Variants in KIF13A observed in about 807,000 individuals in gnomAD.
The protein encoded by KIF13A is kinesin family member 13A.
Under a neutral mutation model 212.2 loss-of-function variants are expected in KIF13A, and 79 were observed. The ratio of observed to expected loss-of-function variants is 0.37; its 90% CI spans 0.31 to 0.45. The LOEUF (loss-of-function observed/expected upper bound fraction) is 0.45, where lower values mean the gene tolerates loss of function less well. Ranked by LOEUF, KIF13A falls within the 20% of genes least tolerant of loss-of-function variation. The pLI is 1.00. For missense variants in KIF13A, 1,901 were observed against 2,209.0 expected (o/e 0.86, Z 2.79); for synonymous variants, 789 against 808.6 (o/e 0.98, Z 0.41).
Position 17,828,435 on chromosome 6 carries a change from C to T in KIF13A, c.1402-65G>A. 2.1e-6 allele frequency: 3 copies of T among 1,435,120 alleles called. No individual in the cohort carries two copies. The highest frequency in any genetic ancestry group is 2.5e-5 in the South Asian group (2 of 79,706). 88.9% of individuals were successfully genotyped at this position (1,435,120 alleles called of 1,614,324 possible). On this transcript the variant is annotated intron_variant, in intron 13 of 38. Coordinates refer to ENST00000259711, the MANE Select transcript of KIF13A (RefSeq NM_022113.6). The surrounding 1 kb of genome is among the most constrained non-coding windows in gnomAD (Gnocchi z 4.3). ...TGAGTAACTCAGCAAAAATGTATCACAATCAATTTGAATAACGCAGCAGCA... is the reference window on the plus strand; with the variant it reads ...TGAGTAACTCAGCAAAAATGTATCATAATCAATTTGAATAACGCAGCAGCA...
At chr6:17,970,230 T>G (rs1367552178) in intron 2 of KIF13A, among the ~76,000 whole-genome samples, 1 of 152,208 alleles carries the variant, frequency 6.6e-6, no homozygotes, top group Non-Finnish European at 1.5e-5. Flanking sequence ...CCGTGTTTTC[T>G]TAAATAAGGG....
rs1231691101 is a variant in KIF13A, at chr6:17,783,625, T to C, written c.3544+21A>G. On this transcript the variant is annotated intron_variant, in intron 29 of 38. Transcript: ENST00000259711. The surrounding 1 kb of genome is among the most constrained non-coding windows in gnomAD (Gnocchi z 4.3). ...CCTTAGTTAAATACAATAATCCCTG[T>C]GACTTTAAGTGTCTACTTACCATTC... The C allele has an allele frequency of 1.3e-6, 2 of 1,487,072 alleles. No individual in the cohort carries two copies. The highest frequency in any genetic ancestry group is 3.8e-5 in the Admixed American group (2 of 53,260). 92.1% of individuals were successfully genotyped at this position (1,487,072 alleles called of 1,614,324 possible). A position where few individuals can be genotyped will look rare whatever the true frequency, so the allele number is the denominator to read the frequency against.
chr6:17,966,142 G>A (rs553339269), intron 2 of KIF13A, among the ~76,000 whole-genome samples: 16 of 152,248 alleles, frequency 1.1e-4, no homozygotes, highest in South Asian at 8.3e-4. Context: ...TGCAGTGAGC[G>A]AAGATTGTGT....
intron 2 of KIF13A, among the ~76,000 whole-genome samples, chr6:17,975,312 T>C (rs950857530): frequency 1.3e-5 from 2 of 151,844 alleles, no homozygotes; most frequent in Non-Finnish European, 2.9e-5. Flanking sequence ...GAGACTGTGT[T>C]CCGAATTAGT....
intron 3 of KIF13A, among the ~76,000 whole-genome samples, chr6:17,889,059 T>C (rs1463945560): frequency 1.3e-5 from 2 of 152,098 alleles, no homozygotes; most frequent in African/African-American, 4.8e-5. Flanking sequence ...CTCACCTCAT[T>C]GAGGCCAAAT....
At chr6:17,943,678 C>G (rs1487736740) in intron 2 of KIF13A, among the ~76,000 whole-genome samples, 1 of 152,162 alleles carries the variant, frequency 6.6e-6, no homozygotes, top group Non-Finnish European at 1.5e-5. Flanking sequence ...CTGTCTTCCA[C>G]AGAAAGCACA....
At chr6:17,909,407 G>A (rs779091818) in intron 2 of KIF13A, among the ~76,000 whole-genome samples, 3 of 151,892 alleles carry the variant, frequency 2.0e-5, no homozygotes, top group Non-Finnish European at 2.9e-5. Context: ...GTGGTGGCGC[G>A]TGCCTGTAGA....
In KIF13A at chr6:17,924,823, C is replaced by A. The variant is rs1413349249; in HGVS notation, c.147-26643G>T. The stretch of plus-strand genomic sequence containing the variant: ...GAGATAATTATTTTTACATTCCATG[C>A]ACAATATTTTCTTTTATTAGTGATC... On this transcript the variant is annotated intron_variant, in intron 2 of 38. Transcript: ENST00000259711. 2.0e-5 allele frequency among the ~76,000 whole-genome samples: 3 copies of A among 152,142 alleles called. No individual in the cohort carries two copies. The East Asian group carries it at 5.8e-4, about 29-fold the overall frequency.
At chr6:17,907,815 C>T (rs1210852236) in intron 2 of KIF13A, among the ~76,000 whole-genome samples, 3 of 152,152 alleles carry the variant, frequency 2.0e-5, no homozygotes, top group Non-Finnish European at 4.4e-5. Flanking sequence ...TAGACAAGAA[C>T]CAAAATGCAG....
chr6:17,880,433 C>A (rs548272257), intron 3 of KIF13A, among the ~76,000 whole-genome samples: 69 of 152,002 alleles, frequency 4.5e-4, no homozygotes, highest in Non-Finnish European at 8.1e-4. Context: ...TCAAGAGCAG[C>A]CTGACCAACA....
intron 13 of KIF13A, among the ~76,000 whole-genome samples, chr6:17,830,578 T>G (rs1472746433): frequency 6.6e-6 from 1 of 152,192 alleles, no homozygotes; most frequent in Non-Finnish European, 1.5e-5. Flanking sequence ...ATCCCACCTC[T>G]ACACCTGAAG....
Position 17,785,612 on chromosome 6 carries a change from C to A in KIF13A, c.3391G>T (p.Ala1131Ser). 1 of 1,606,210 alleles carries A rather than the reference C, an allele frequency of 6.2e-7. No individual in the cohort carries two copies. Among genetic ancestry groups the A allele is most frequent in the South Asian group, 1.1e-5 (1 of 89,044 alleles). ...EKTEDDVERE[A>S]QLVEQWVGLT... Reference sequence around the variant, plus strand: ...CCTACCCACTGCTCCACAAGCTGGGCTTCCCGCTCCACATCGTCCTCTGTT... The same window carrying A: ...CCTACCCACTGCTCCACAAGCTGGGATTCCCGCTCCACATCGTCCTCTGTT... The change falls in exon 28 of 39, where the codon GCC (alanine) becomes TCC (serine). Residue 1131 changes from alanine (A) to serine (S), a missense_variant. Coordinates refer to ENST00000259711, the MANE Select transcript of KIF13A (RefSeq NM_022113.6). This position sits in a 1 kb window ranked among gnomAD's most constrained non-coding sequence, Gnocchi z 5.8.
intron 2 of KIF13A, among the ~76,000 whole-genome samples, chr6:17,945,270 T>TA (rs2150561551): frequency 6.6e-6 from 1 of 152,180 alleles, no homozygotes; most frequent in Admixed American, 6.5e-5. Flanking sequence ...GAAGAGCACA[T>TA]ACTGTATGAT....
chr6:17,810,446 C>T (rs1175751386), intron 17 of KIF13A, among the ~76,000 whole-genome samples: 9 of 152,192 alleles, frequency 5.9e-5, no homozygotes, highest in Admixed American at 5.9e-4. Flanking sequence ...CCCTACTCTT[C>T]CATAAATCAC....
chr6:17,982,236 T>C lies in KIF13A; in HGVS notation c.146+4818A>G, dbSNP rs994830639. 4 of 155,092 alleles carry C rather than the reference T, an allele frequency of 2.6e-5. No individual in the cohort carries two copies. The highest frequency in any genetic ancestry group is 2.8e-5 in the Non-Finnish European group (2 of 70,670). 9.6% of individuals were successfully genotyped at this position (155,092 alleles called of 1,614,324 possible). On this transcript the variant is annotated intron_variant, in intron 2 of 38. Transcript: ENST00000259711. The surrounding 1 kb of genome is among the most constrained non-coding windows in gnomAD (Gnocchi z 5.1). ...TCTGCCTCCTAAGTAGCTGGGATTA[T>C]AGGTGTGCACCACCACACTCGGCTA...
chr6:17,981,122 C>T (rs1211825551), intron 2 of KIF13A, among the ~76,000 whole-genome samples: 1 of 151,340 alleles, frequency 6.6e-6, no homozygotes, highest in East Asian at 1.9e-4. Context: ...AACCCAGAGC[C>T]CAAGCTCTTA....
At chr6:17,836,033 T>C (rs1288929955) in intron 11 of KIF13A, among the ~76,000 whole-genome samples, 1 of 152,164 alleles carries the variant, frequency 6.6e-6, no homozygotes, top group Admixed American at 6.5e-5. Context: ...TCCAAAGCTG[T>C]CCTCTTAAAT....
intron 4 of KIF13A, among the ~76,000 whole-genome samples, chr6:17,862,829 T>C (rs1235505471): frequency 1.3e-5 from 2 of 152,230 alleles, no homozygotes; most frequent in East Asian, 3.9e-4. Context: ...GTGCCTGTAG[T>C]CCCAGCTACT....
chr6:17,958,028 T>C (rs1489143593), intron 2 of KIF13A, among the ~76,000 whole-genome samples: 2 of 152,172 alleles, frequency 1.3e-5, no homozygotes, highest in East Asian at 1.9e-4. Flanking sequence ...GAAATGTCTC[T>C]AAAAGCTCTC....
Sources: gnomAD v4.1 joint callset for allele counts (sites outside exome capture counted in the v4.1 genomes callset) on GRCh38, gnomAD v4.1.1 for gene constraint, Gnocchi (gnomAD v3.1) non-coding constraint, MANE v1.5 for transcripts, NCBI Gene and HGNC (gene_info 2026-07-23, HGNC 2026-07-21) for gene names.